Variants in CRYBG3 observed in about 807,000 individuals in gnomAD.
CRYBG3 encodes very large A-kinase anchor protein.
Under a neutral mutation model 244.2 loss-of-function variants are expected in CRYBG3, and 127 were observed. That is an observed-to-expected ratio of 0.52 (90% confidence interval 0.45 to 0.60). The LOEUF is 0.60. CRYBG3 is among the 20% of genes least tolerant of loss of function. The pLI is 0.00. For synonymous variants in CRYBG3, 1,132 were observed against 1,195.8 expected, an observed-to-expected ratio of 0.95 and a Z score of 1.10; for missense variants, 3,325 against 3,442.5, an observed-to-expected ratio of 0.97 and a Z score of 0.85.
chr3:97,915,522 C>T, intron 16 of CRYBG3, 88 bp from the exon 17 acceptor site: 2 of 1,414,372 alleles, frequency 1.4e-6, no homozygotes, highest in East Asian at 2.4e-5. Flanking sequence ...CTATGCCCTA[C>T]CCCTACCCCA....
At chr3:97,897,521 G>A (rs761900512) in intron 12 of CRYBG3, among the ~76,000 whole-genome samples, 1 of 151,878 alleles carries the variant, frequency 6.6e-6, no homozygotes, top group Non-Finnish European at 1.5e-5. Flanking sequence ...AGGTGACTTT[G>A]GAAGTTACTT....
Position 97,843,181 on chromosome 3 carries a change from T to A in CRYBG3, c.150-14T>A. 1 of 1,483,990 alleles carries A rather than the reference T, an allele frequency of 6.7e-7. No homozygotes were observed. The highest frequency in any genetic ancestry group is 8.9e-7 in the Non-Finnish European group (1 of 1,119,824). The allele number at this position is 1,483,990 out of a possible 1,614,324, so 91.9% of individuals were successfully genotyped here. On this transcript the variant is annotated splice_polypyrimidine_tract_variant and intron_variant, in intron 1 of 21. Transcript: ENST00000389622. ...CTTTTAATTTCAAAAGAAACTGTGGTTTTTATTTTTCAGTGTTGAAAATGA... is the reference window on the plus strand; with the variant it reads ...CTTTTAATTTCAAAAGAAACTGTGGATTTTATTTTTCAGTGTTGAAAATGA...
intron 1 of CRYBG3, among the ~76,000 whole-genome samples, chr3:97,824,031 C>T (rs760973448): frequency 3.3e-5 from 5 of 152,166 alleles, no homozygotes; most frequent in African/African-American, 4.8e-5. Context: ...CTTATATCAA[C>T]GCTAATTTTG....
intron 18 of CRYBG3, 23 bp downstream of exon 18, chr3:97,933,856 G>A (rs756941451): frequency 1.2e-6 from 2 of 1,605,150 alleles, no homozygotes; most frequent in South Asian, 2.2e-5. Context: ...AAAAGGCTTG[G>A]TCTGGTTCAG....
chr3:97,929,276 T>A (rs531108716), intron 17 of CRYBG3, among the ~76,000 whole-genome samples: 1 of 149,904 alleles, frequency 6.7e-6, no homozygotes, highest in African/African-American at 2.4e-5. Context: ...AATCAAATAT[T>A]TTTTTTTTTA....
intron 21 of CRYBG3, 105 bp downstream of exon 21, chr3:97,942,548 A>G (rs1393498687): frequency 1.2e-5 from 13 of 1,070,372 alleles, no homozygotes; most frequent in Non-Finnish European, 1.6e-5. Context: ...AGAAATGTTA[A>G]GTCATTTAAA....
At chr3:97,842,882 C>T (rs1397967231) in intron 1 of CRYBG3, among the ~76,000 whole-genome samples, 1 of 152,092 alleles carries the variant, frequency 6.6e-6, no homozygotes, top group East Asian at 1.9e-4. Context: ...AGAGTGCTAG[C>T]ACTTGCCAGT....
intron 21 of CRYBG3, chr3:97,942,952 C>T (rs1405294989): frequency 5.6e-6 from 2 of 359,996 alleles, no homozygotes; most frequent in East Asian, 6.3e-5. Flanking sequence ...AGAGTTCTCT[C>T]AAGAGCACTT....
intron 19 of CRYBG3, among the ~76,000 whole-genome samples, chr3:97,938,814 C>A (rs1329118667): frequency 6.6e-6 from 1 of 151,756 alleles, no homozygotes; most frequent in Non-Finnish European, 1.5e-5. Flanking sequence ...TATTATTATT[C>A]ACAATGTCCC....
intron 16 of CRYBG3, among the ~76,000 whole-genome samples, chr3:97,913,225 C>T (rs1032349486): frequency 2.6e-5 from 4 of 152,138 alleles, no homozygotes; most frequent in Non-Finnish European, 5.9e-5. Context: ...AGTACCAGTC[C>T]GATCAAGTTC....
intron 1 of CRYBG3, among the ~76,000 whole-genome samples, chr3:97,825,010 A>C (rs2038559936): frequency 6.6e-6 from 1 of 152,182 alleles, no homozygotes; most frequent in Admixed American, 6.5e-5. Context: ...CTATACAAAG[A>C]GAACTTAGGA....
At chr3:97,895,434 G>T (rs903925129) in intron 11 of CRYBG3, among the ~76,000 whole-genome samples, 1 of 152,126 alleles carries the variant, frequency 6.6e-6, no homozygotes, top group African/African-American at 2.4e-5. Context: ...TAGCTCAGTC[G>T]AATTTCTTGG....
intron 19 of CRYBG3, among the ~76,000 whole-genome samples, chr3:97,937,160 G>GT (rs754402932): frequency 2.0e-5 from 3 of 152,168 alleles, no homozygotes; most frequent in Non-Finnish European, 4.4e-5. Flanking sequence ...CTAAGATACT[G>GT]TAAGTTCTGT....
chr3:97,924,662 C>T (rs563281788), intron 17 of CRYBG3, among the ~76,000 whole-genome samples: 15 of 152,190 alleles, frequency 9.9e-5, no homozygotes, highest in African/African-American at 3.4e-4. Flanking sequence ...CTTTCATCTT[C>T]AAAGTGCATC....
At chr3:97,885,993 G>A (rs1408973202) in intron 7 of CRYBG3, among the ~76,000 whole-genome samples, 2 of 152,126 alleles carry the variant, frequency 1.3e-5, no homozygotes, top group African/African-American at 4.8e-5. Flanking sequence ...AATTTTTAAG[G>A]AAGGTCTCAC....
rs2039191466 is a variant in CRYBG3, at chr3:97,864,172, T to C, written c.217-45T>C. 12 of 1,374,074 alleles carry C rather than the reference T, an allele frequency of 8.7e-6. No homozygotes were observed. The East Asian group carries it at 3.0e-4, about 34-fold the overall frequency. 85.1% of individuals were successfully genotyped at this position (1,374,074 alleles called of 1,614,324 possible). A position where few individuals can be genotyped will look rare whatever the true frequency, so the allele number is the denominator to read the frequency against. On this transcript the variant is annotated intron_variant, in intron 2 of 21. Coordinates refer to ENST00000389622, the MANE Select transcript of CRYBG3 (RefSeq NM_153605.4). ...TATAATAGCTTATCAGTCTGTTTCA[T>C]TATTTAAATAATGATGCTTATGATT...
chr3:97,916,059 T>G (rs58025916), intron 17 of CRYBG3, among the ~76,000 whole-genome samples: 1 of 152,074 alleles, frequency 6.6e-6, no homozygotes, highest in East Asian at 1.9e-4. Flanking sequence ...AAAATAAAAA[T>G]AAAATAATAA....
At chr3:97,879,333 A>G (rs544888149) in intron 4 of CRYBG3, among the ~76,000 whole-genome samples, 32 of 152,202 alleles carry the variant, frequency 2.1e-4, no homozygotes, top group South Asian at 4.2e-4. Flanking sequence ...AGGTCCCTCA[A>G]TACTACTTCC....
Position 97,872,075 on chromosome 3 carries a change from G to A in CRYBG3, c.881G>A (p.Gly294Glu), listed in dbSNP as rs1296143982. Residue 294 changes from glycine to glutamate, a missense_variant, in exon 4 of 22, where the codon GGA (glycine) becomes GAA (glutamate). Transcript: ENST00000389622. ...LSASTDSSMK[G>E]NLLEGPLEDS... ...GCTAGTACAGACTCATCTATGAAAGGAAATCTACTTGAAGGCCCATTAGAA... is the reference window on the plus strand; with the variant it reads ...GCTAGTACAGACTCATCTATGAAAGAAAATCTACTTGAAGGCCCATTAGAA... The A allele has an allele frequency of 6.5e-7, 1 of 1,535,844 alleles. No individual in the cohort carries two copies. Among genetic ancestry groups the A allele is most frequent in the South Asian group, 1.2e-5 (1 of 84,012 alleles).
Sources: gnomAD v4.1 joint callset for allele counts (sites outside exome capture counted in the v4.1 genomes callset) on GRCh38, gnomAD v4.1.1 for gene constraint, MANE v1.5 for transcripts, NCBI Gene and HGNC (gene_info 2026-07-23, HGNC 2026-07-21) for gene names.